Variants in ASTN1 observed in about 807,000 individuals in gnomAD.
The protein encoded by ASTN1 is astrotactin 1, also known as astrotactin-1.
In ASTN1, 41 loss-of-function variants were observed where a neutral mutation model predicts 140.7. That is an observed-to-expected ratio of 0.29 (90% CI 0.23 to 0.38). ASTN1 has a LOEUF of 0.38. ASTN1 is among the 10% of genes least tolerant of loss of function. The pLI, the probability that ASTN1 is intolerant of heterozygous loss-of-function variation, is 1.00. For synonymous variants in ASTN1, 640 were observed against 652.2 expected, an observed-to-expected ratio of 0.98 and a Z score of 0.29; for missense variants, 1,479 against 1,678.8, an observed-to-expected ratio of 0.88 and a Z score of 2.08.
At chr1:177,090,945 T>TG (rs1262179933) in intron 1 of ASTN1, among the ~76,000 whole-genome samples, 1 of 100,442 alleles carries the variant, frequency 1.0e-5, no homozygotes, top group Non-Finnish European at 2.1e-5. Context: ...GGTGGGGGGC[T>TG]GGGGGGCTAA....
intron 16 of ASTN1, among the ~76,000 whole-genome samples, chr1:176,931,083 C>T (rs564919144): frequency 2.0e-5 from 3 of 152,188 alleles, no homozygotes; most frequent in East Asian, 3.9e-4. Context: ...GGGCAAAGAA[C>T]GATGGGAGAA....
At position 176,949,172 on chromosome 1, in the gene ASTN1, C is replaced by T; in HGVS notation, c.2054+13G>A. The T allele has an allele frequency of 6.2e-7, 1 of 1,613,092 alleles. No individual in the cohort carries two copies. The highest frequency in any genetic ancestry group is 8.5e-7 in the Non-Finnish European group (1 of 1,179,660). Reference sequence around the variant, plus strand: ...GATGGACGCCAGGTGGCCTCGCTGGCAGCTCAACTCACCCACAGAACATGA... The same window carrying T: ...GATGGACGCCAGGTGGCCTCGCTGGTAGCTCAACTCACCCACAGAACATGA... On this transcript the variant is annotated intron_variant, in intron 12 of 22. Coordinates refer to ENST00000361833, the MANE Select transcript of ASTN1 (RefSeq NM_004319.3).
rs533211047 is a variant in ASTN1, at chr1:177,068,964, A to G, written c.284-7699T>C. On this transcript the variant is annotated intron_variant, in intron 1 of 22. Transcript: ENST00000361833. ...TTCCCAAGCAGCTGGGACTACAGGTAGGTACATGCCACCATGCCCTGCTAA... is the reference window on the plus strand; with the variant it reads ...TTCCCAAGCAGCTGGGACTACAGGTGGGTACATGCCACCATGCCCTGCTAA... Among the ~76,000 whole-genome samples the G allele has an allele frequency of 1.9e-3, 291 of 151,908 alleles. 2 individuals carry two copies. Among genetic ancestry groups the G allele is most frequent in the African/African-American group, 6.7e-3 (277 of 41,478 alleles).
chr1:177,008,956 G>C (rs973395774), intron 8 of ASTN1, among the ~76,000 whole-genome samples: 6 of 152,136 alleles, frequency 3.9e-5, no homozygotes, highest in African/African-American at 1.4e-4. Flanking sequence ...ACCAGCAAAG[G>C]GATGGGAGAA....
chr1:176,896,130 A>G (rs568891379), intron 16 of ASTN1, among the ~76,000 whole-genome samples: 30 of 152,150 alleles, frequency 2.0e-4, no homozygotes, highest in Non-Finnish European at 4.3e-4. Context: ...CTTGTTTGCT[A>G]TGTAATATGA....
At chr1:177,041,543 G>A (rs1676972533) in intron 2 of ASTN1, among the ~76,000 whole-genome samples, 1 of 152,202 alleles carries the variant, frequency 6.6e-6, no homozygotes, top group Admixed American at 6.5e-5. Context: ...CAAGCATGAA[G>A]CCAATAAATA....
chr1:176,895,986 A>G (rs1463997291), intron 16 of ASTN1, among the ~76,000 whole-genome samples: 1 of 152,208 alleles, frequency 6.6e-6, no homozygotes, highest in African/African-American at 2.4e-5. Context: ...GCAATGGACA[A>G]TGGGCTGGAC....
rs1194505604 is a variant in ASTN1 at position 176,965,149 on chromosome 1, A to G, written c.1598+14T>C. Reference sequence around the variant, plus strand: ...TGCAGACGTACATAAGCAAGTCCCTAGACAATCACTTACCTAAATATTTTA... The same window carrying G: ...TGCAGACGTACATAAGCAAGTCCCTGGACAATCACTTACCTAAATATTTTA... On this transcript the variant is annotated intron_variant, in intron 9 of 22. Transcript: ENST00000361833. 1 of 1,612,552 alleles carries G rather than the reference A, an allele frequency of 6.2e-7. No homozygotes were observed. Among genetic ancestry groups the G allele is most frequent in the Non-Finnish European group, 8.5e-7 (1 of 1,178,630 alleles).
chr1:176,957,707 C>G lies in ASTN1; in HGVS notation c.1858G>C (p.Asp620His), dbSNP rs74714965. The change falls in exon 11 of 23, where the codon GAT becomes CAT. Residue 620 changes from aspartate (D) to histidine (H), a missense_variant. Physicochemically the swap from Asp to His is moderately conservative, Grantham distance 81. Transcript: ENST00000361833. ...GCSKNFRCIS[D>H]RKLDSTGCVC... ...CAACCAGTGGAGTCCAGCTTGCGATCTGAAATACAGCGGAAATTCTTACTG... is the reference window on the plus strand; with the variant it reads ...CAACCAGTGGAGTCCAGCTTGCGATGTGAAATACAGCGGAAATTCTTACTG... 6.2e-7 allele frequency: 1 copy of G among 1,614,094 alleles called. No individual in the cohort carries two copies. Among genetic ancestry groups the G allele is most frequent in the Non-Finnish European group, 8.5e-7 (1 of 1,179,978 alleles).
intron 1 of ASTN1, among the ~76,000 whole-genome samples, chr1:177,153,692 C>T (rs1484514412): frequency 2.0e-5 from 3 of 152,104 alleles, no homozygotes; most frequent in African/African-American, 7.2e-5. Flanking sequence ...TCTTCACTTA[C>T]ATAAAATCCA....
intron 14 of ASTN1, among the ~76,000 whole-genome samples, chr1:176,942,541 T>C (rs1386340052): frequency 6.6e-6 from 1 of 151,978 alleles, no homozygotes; most frequent in Admixed American, 6.6e-5. Flanking sequence ...GAAAATATCT[T>C]GGGCCCCCCA....
intron 16 of ASTN1, among the ~76,000 whole-genome samples, chr1:176,896,286 T>C (rs1022873155): frequency 1.2e-4 from 18 of 152,212 alleles, no homozygotes; most frequent in African/African-American, 4.3e-4. Context: ...TTTTGTTTAA[T>C]AATCGACCCA....
chr1:177,128,219 T>G (rs1203129194), intron 1 of ASTN1, among the ~76,000 whole-genome samples: 1 of 152,190 alleles, frequency 6.6e-6, no homozygotes, highest in Non-Finnish European at 1.5e-5. Flanking sequence ...GAGTATCCAT[T>G]TCTTTTTCTC....
intron 2 of ASTN1, among the ~76,000 whole-genome samples, chr1:177,034,282 C>T (rs977588246): frequency 6.9e-6 from 1 of 144,766 alleles, no homozygotes; most frequent in African/African-American, 2.5e-5. Flanking sequence ...CACACACACA[C>T]ACTGCCACTT....
At chr1:176,970,809 C>T (rs1010260961) in intron 8 of ASTN1, among the ~76,000 whole-genome samples, 6 of 151,490 alleles carry the variant, frequency 4.0e-5, no homozygotes, top group South Asian at 2.1e-4. Context: ...CATTCAGAAG[C>T]AGTGATGAGT....
intron 14 of ASTN1, among the ~76,000 whole-genome samples, chr1:176,938,322 T>G (rs1421055842): frequency 6.6e-6 from 1 of 152,216 alleles, no homozygotes; most frequent in Non-Finnish European, 1.5e-5. Flanking sequence ...ATAACAAGTA[T>G]TGTCTAGTTA....
At chr1:176,986,309 GGT>G (rs1673902031) in intron 8 of ASTN1, among the ~76,000 whole-genome samples, 1 of 152,148 alleles carries the variant, frequency 6.6e-6, no homozygotes, top group African/African-American at 2.4e-5. Context: ...GTTGCAGAGA[GGT>G]AATGATTATT....
intron 21 of ASTN1, among the ~76,000 whole-genome samples, chr1:176,873,790 T>C (rs1668452222): frequency 6.6e-6 from 1 of 152,152 alleles, no homozygotes; most frequent in South Asian, 2.1e-4. Context: ...TTGGCTCTTC[T>C]GCTCCCAGCT....
At chr1:177,045,982 C>G (rs1319388583) in intron 2 of ASTN1, among the ~76,000 whole-genome samples, 1 of 152,172 alleles carries the variant, frequency 6.6e-6, no homozygotes, top group Non-Finnish European at 1.5e-5. Context: ...GCTAATTTTG[C>G]ATTTATATTT....
Sources: allele counts gnomAD v4.1 joint callset (sites outside exome capture counted in the v4.1 genomes callset), GRCh38; gene constraint gnomAD v4.1.1; transcripts MANE v1.5; gene names NCBI Gene and HGNC (gene_info 2026-07-23, HGNC 2026-07-21).